AGBL4: variants seen among roughly 807,000 people sequenced by gnomAD.
The protein encoded by AGBL4 is AGBL carboxypeptidase 4.
Under a neutral mutation model 66.4 loss-of-function variants are expected in AGBL4, and 58 were observed. The observed-to-expected ratio is 0.87, with a 90% CI of 0.71 to 1.09. The LOEUF (loss-of-function observed/expected upper bound fraction) is 1.09, where lower values mean the gene tolerates loss of function less well. Ranked by LOEUF, AGBL4 falls within the 50% of genes least tolerant of loss-of-function variation. AGBL4 has a pLI of 0.00. For missense variants in AGBL4, 579 were observed against 631.0 expected, an observed-to-expected ratio of 0.92 and a Z score of 0.88; for synonymous variants, 234 against 222.9, an observed-to-expected ratio of 1.05 and a Z score of -0.44.
chr1:48,989,812 T>C (rs770919822), intron 5 of AGBL4, among the ~76,000 whole-genome samples: 1 of 152,236 alleles, frequency 6.6e-6, no homozygotes, highest in Non-Finnish European at 1.5e-5. Context: ...ATCTTGGCTA[T>C]TGTGAACAGT....
chr1:50,022,992 T>G (rs1329208847), intron 1 of AGBL4, among the ~76,000 whole-genome samples: 1 of 152,172 alleles, frequency 6.6e-6, no homozygotes, highest in Non-Finnish European at 1.5e-5. Flanking sequence ...TCTCCCTTCC[T>G]GTCAGTCTTC....
At chr1:48,990,295 C>A (rs1424495230) in intron 5 of AGBL4, among the ~76,000 whole-genome samples, 1 of 152,006 alleles carries the variant, frequency 6.6e-6, no homozygotes, top group Non-Finnish European at 1.5e-5. Context: ...AATGCCTGGT[C>A]AGATGAATGG....
intron 6 of AGBL4, among the ~76,000 whole-genome samples, chr1:48,775,235 G>C (rs1053005179): frequency 6.6e-6 from 1 of 152,128 alleles, no homozygotes; most frequent in Non-Finnish European, 1.5e-5. Flanking sequence ...GGTATGGATA[G>C]AGCCTGTCAA....
At chr1:49,012,710 C>T (rs890681921) in intron 5 of AGBL4, among the ~76,000 whole-genome samples, 1 of 152,210 alleles carries the variant, frequency 6.6e-6, no homozygotes, top group Non-Finnish European at 1.5e-5. Context: ...CATTTGCCCT[C>T]AGTTCCAAAG....
chr1:49,031,307 C>T (rs1664208842), intron 5 of AGBL4, among the ~76,000 whole-genome samples: 1 of 151,710 alleles, frequency 6.6e-6, no homozygotes, highest in Admixed American at 6.6e-5. Context: ...ATGTTCTCAC[C>T]ACCAAGAAGG....
At chr1:49,173,706 T>G (rs139513149) in intron 4 of AGBL4, among the ~76,000 whole-genome samples, 1 of 152,210 alleles carries the variant, frequency 6.6e-6, no homozygotes, top group Admixed American at 6.5e-5. Flanking sequence ...GTTACAATTT[T>G]AAATTGTGTG....
chr1:49,978,555 A>G (rs1178125595), intron 1 of AGBL4, among the ~76,000 whole-genome samples: 2 of 152,250 alleles, frequency 1.3e-5, no homozygotes, highest in Non-Finnish European at 2.9e-5. Flanking sequence ...CAGTAGTTAT[A>G]GTATATCCAA....
At position 49,585,618 on chromosome 1, in the gene AGBL4, T is replaced by C. The variant is rs191077820; in HGVS notation, c.282+111695A>G. 2.3e-4 allele frequency among the ~76,000 whole-genome samples: 35 copies of C among 152,202 alleles called. 1 individual carries two copies. In the East Asian group the frequency reaches 4.8e-3, roughly 21 times the overall value. On this transcript the variant is annotated intron_variant, in intron 3 of 13. Coordinates refer to ENST00000371839, the MANE Select transcript of AGBL4 (RefSeq NM_032785.4). ...GAAAGCAACCTAACCATCATCTTAA[T>C]TATTGACTTTGTGAGATCCCAAGCA...
intron 6 of AGBL4, among the ~76,000 whole-genome samples, chr1:48,763,722 C>A (rs1389120828): frequency 6.6e-6 from 1 of 152,184 alleles, no homozygotes. Flanking sequence ...ATCGTTCGGA[C>A]TCACAAAACC....
chr1:49,175,544 T>C (rs922432853), intron 4 of AGBL4, among the ~76,000 whole-genome samples: 2 of 152,102 alleles, frequency 1.3e-5, no homozygotes, highest in Non-Finnish European at 2.9e-5. Context: ...ATTAAAACAT[T>C]GAATGTGACA....
intron 11 of AGBL4, among the ~76,000 whole-genome samples, chr1:48,551,078 A>G (rs996411003): frequency 4.6e-5 from 7 of 152,136 alleles, no homozygotes; most frequent in African/African-American, 1.7e-4. Context: ...TGACCTTGTC[A>G]CTTCCTGACC....
At chr1:49,446,713 G>A (rs1257490032) in intron 3 of AGBL4, among the ~76,000 whole-genome samples, 1 of 152,152 alleles carries the variant, frequency 6.6e-6, no homozygotes. Flanking sequence ...GACGATGACA[G>A]TAGCAGTGGT....
chr1:49,856,101 T>C (rs563211475), intron 1 of AGBL4, among the ~76,000 whole-genome samples: 2 of 152,104 alleles, frequency 1.3e-5, no homozygotes, highest in South Asian at 2.1e-4. Context: ...CTAGAGACTA[T>C]TATGAACAAC....
chr1:49,595,297 G>C (rs752876972), intron 3 of AGBL4, among the ~76,000 whole-genome samples: 1 of 152,030 alleles, frequency 6.6e-6, no homozygotes, highest in Non-Finnish European at 1.5e-5. Context: ...CACAGTGTTA[G>C]CCAGGATGGT....
intron 9 of AGBL4, among the ~76,000 whole-genome samples, chr1:48,613,267 G>A (rs977309624): frequency 6.6e-5 from 10 of 152,080 alleles, no homozygotes; most frequent in African/African-American, 2.2e-4. Flanking sequence ...GCTAGTCTGT[G>A]GTGCAACTGG....
intron 6 of AGBL4, among the ~76,000 whole-genome samples, chr1:48,810,556 C>T (rs1285585539): frequency 6.6e-6 from 1 of 152,136 alleles, no homozygotes; most frequent in Non-Finnish European, 1.5e-5. Context: ...TCAACTTCTT[C>T]GTGTGTAAAA....
At chr1:49,686,207 T>C (rs1171759300) in intron 3 of AGBL4, among the ~76,000 whole-genome samples, 2 of 152,194 alleles carry the variant, frequency 1.3e-5, no homozygotes, top group African/African-American at 4.8e-5. Context: ...CAGATGGTTA[T>C]AGATATGTGG....
intron 1 of AGBL4, among the ~76,000 whole-genome samples, chr1:49,893,222 A>G (rs1044470181): frequency 6.6e-6 from 1 of 152,200 alleles, no homozygotes; most frequent in Non-Finnish European, 1.5e-5. Flanking sequence ...AGTATACTGG[A>G]AAAAGCCCTG....
At chr1:49,202,426 G>T (rs887685729) in intron 4 of AGBL4, among the ~76,000 whole-genome samples, 1 of 152,100 alleles carries the variant, frequency 6.6e-6, no homozygotes, top group African/African-American at 2.4e-5. Context: ...CATCAAGACA[G>T]ACATGTAGAC....
Sources: gnomAD v4.1 joint callset for allele counts (sites outside exome capture counted in the v4.1 genomes callset) on GRCh38, gnomAD v4.1.1 for gene constraint, MANE v1.5 for transcripts, NCBI Gene and HGNC (gene_info 2026-07-23, HGNC 2026-07-21) for gene names.